Variants in SEC23A observed in about 807,000 individuals in gnomAD.
The protein encoded by SEC23A is SEC23 homolog A, COPII component, also known as protein transport protein Sec23A.
SEC23A carries 56 observed loss-of-function variants against 103.7 expected under a neutral mutation model. The ratio of observed to expected loss-of-function variants is 0.54; its 90% confidence interval spans 0.44 to 0.67. SEC23A has a LOEUF of 0.67. Among genes scored for constraint, SEC23A ranks in the 30% least tolerant of loss-of-function variants. The probability of loss-of-function intolerance (pLI) is 0.00; values close to 1 mark genes in which losing one functional copy is unlikely to be tolerated. For synonymous variants in SEC23A, 281 were observed against 293.0 expected, an observed-to-expected ratio of 0.96 and a Z score of 0.42; for missense variants, 784 against 936.4, an observed-to-expected ratio of 0.84 and a Z score of 2.12.
intron 5 of SEC23A, among the ~76,000 whole-genome samples, chr14:39,090,647 C>G (rs879845084): frequency 5.3e-5 from 8 of 152,188 alleles, no homozygotes; most frequent in Non-Finnish European, 8.8e-5. Flanking sequence ...TCAGCTGCCA[C>G]CAAGGTTCTC....
intron 1 of SEC23A, among the ~76,000 whole-genome samples, chr14:39,098,499 G>C (rs997623428): frequency 6.6e-6 from 1 of 152,128 alleles, no homozygotes; most frequent in Non-Finnish European, 1.5e-5. Context: ...TTTAAGGCCA[G>C]GCACAGTGGC....
intron 8 of SEC23A, among the ~76,000 whole-genome samples, chr14:39,075,006 C>T (rs1175802258): frequency 1.3e-5 from 2 of 152,166 alleles, no homozygotes; most frequent in Admixed American, 1.3e-4. Flanking sequence ...ACTAGGGAGG[C>T]TGAGGCAGGA....
rs975641579 is a variant in SEC23A, at chr14:39,083,767, G to A, written c.828+1995C>T. On this transcript the variant is annotated intron_variant, in intron 7 of 19. Transcript: ENST00000307712. ...TTTAGTAGAGACAGGGTTTCACCAC[G>A]TTGCTCAGGCTGGTCTCGAACTCCT... Among the ~76,000 whole-genome samples, 20 of 151,546 alleles carry A rather than the reference G, an allele frequency of 1.3e-4. 1 individual carries two copies. Among genetic ancestry groups the A allele is most frequent in the African/African-American group, 3.2e-4 (13 of 41,268 alleles).
chr14:39,037,281 T>C (rs147900001), intron 19 of SEC23A, among the ~76,000 whole-genome samples: 5 of 152,248 alleles, frequency 3.3e-5, no homozygotes, highest in African/African-American at 7.2e-5. Flanking sequence ...GCCTTCTAGA[T>C]AGTACCTCAA....
At chr14:39,055,078 T>C in intron 14 of SEC23A, 65 bp downstream of exon 14, 1 of 1,588,810 alleles carries the variant, frequency 6.3e-7, no homozygotes, top group Non-Finnish European at 8.6e-7. Flanking sequence ...AGAGATTATC[T>C]GCAACAAACA....
chr14:39,101,198 G>C (rs1888079582), intron 1 of SEC23A, among the ~76,000 whole-genome samples: 1 of 152,084 alleles, frequency 6.6e-6, no homozygotes, highest in African/African-American at 2.4e-5. Context: ...CTATTACAAA[G>C]AAATGTCCAA....
chr14:39,094,414 ATATATATATATATATATATATATATATAT>A (rs1365918294), intron 2 of SEC23A, among the ~76,000 whole-genome samples: 701 of 35,818 alleles, frequency 0.02, 105 homozygotes, highest in Middle Eastern at 0.052. Flanking sequence ...ATATATATAT[ATATATATATATATATATATATATATATAT>A]TTTTTTTTTT....
intron 19 of SEC23A, among the ~76,000 whole-genome samples, chr14:39,034,053 G>A (rs1343170174): frequency 6.6e-6 from 1 of 152,196 alleles, no homozygotes; most frequent in Non-Finnish European, 1.5e-5. Flanking sequence ...TATAGCTCCT[G>A]TGATTCTAGT....
At chr14:39,095,143 A>C in intron 2 of SEC23A, 2 of 597,362 alleles carry the variant, frequency 3.3e-6, no homozygotes, top group Non-Finnish European at 5.9e-6. Flanking sequence ...TAAGAGACAG[A>C]ATCTATAATG....
At chr14:39,034,676 C>T (rs1885404675) in intron 19 of SEC23A, among the ~76,000 whole-genome samples, 1 of 152,132 alleles carries the variant, frequency 6.6e-6, no homozygotes, top group Non-Finnish European at 1.5e-5. Context: ...ATTTATATAC[C>T]ACAGAGCTCC....
rs1022879005 is a variant in SEC23A, at chr14:39,047,310, C to T, written c.1737+1342G>A. 9.7e-6 allele frequency: 9 copies of T among 929,942 alleles called. No homozygotes were observed. The South Asian group carries it at 1.2e-4, about 13-fold the overall frequency. The allele number at this position is 929,942 out of a possible 1,614,324, so 57.6% of individuals were successfully genotyped here. Reference sequence around the variant, plus strand: ...GTCAAATACTTAGGCTAATGCCCTCCATCACTTTCCTATTAGTTTCTGCTA... The same window carrying T: ...GTCAAATACTTAGGCTAATGCCCTCTATCACTTTCCTATTAGTTTCTGCTA... On this transcript the variant is annotated intron_variant, in intron 15 of 19. Transcript: ENST00000307712.
intron 14 of SEC23A, 132 bp from the exon 15 acceptor site, chr14:39,048,861 T>C: frequency 1.6e-6 from 1 of 627,730 alleles, no homozygotes; most frequent in Non-Finnish European, 2.8e-6. Flanking sequence ...AAAATTATAA[T>C]ATTACTTATA....
chr14:39,050,711 G>A (rs1886025936), intron 14 of SEC23A, among the ~76,000 whole-genome samples: 1 of 152,156 alleles, frequency 6.6e-6, no homozygotes, highest in African/African-American at 2.4e-5. Flanking sequence ...CCTGCTCCTT[G>A]GGAGGCTGAG....
At chr14:39,050,589 T>C (rs1378388574) in intron 14 of SEC23A, among the ~76,000 whole-genome samples, 2 of 152,272 alleles carry the variant, frequency 1.3e-5, no homozygotes, top group South Asian at 2.1e-4. Flanking sequence ...CAATTAGTGG[T>C]TGATGGGTAA....
chr14:39,041,456 T>TG (rs1566480606), intron 17 of SEC23A: 1 of 142,854 alleles, frequency 7.0e-6, no homozygotes, highest in African/African-American at 2.5e-5. Context: ...ATTACAGGTT[T>TG]TTTTTTTTTT....
At chr14:39,035,450 A>AT (rs1199359632) in intron 19 of SEC23A, among the ~76,000 whole-genome samples, 1 of 152,174 alleles carries the variant, frequency 6.6e-6, no homozygotes, top group Non-Finnish European at 1.5e-5. Context: ...AATAGCTAAC[A>AT]TTTACTGAGT....
chr14:39,098,312 C>T (rs1887962186), intron 1 of SEC23A, among the ~76,000 whole-genome samples: 1 of 151,988 alleles, frequency 6.6e-6, no homozygotes, highest in South Asian at 2.1e-4. Flanking sequence ...CAGTTTTTAG[C>T]AACAGCTTCC....
intron 7 of SEC23A, among the ~76,000 whole-genome samples, chr14:39,083,948 T>C (rs1887330709): frequency 6.6e-6 from 1 of 152,220 alleles, no homozygotes; most frequent in African/African-American, 2.4e-5. Context: ...AAAAATTATT[T>C]ATACACTTCT....
At chr14:39,034,157 ATGAAG>A (rs1885389902) in intron 19 of SEC23A, among the ~76,000 whole-genome samples, 1 of 152,236 alleles carries the variant, frequency 6.6e-6, no homozygotes, top group Non-Finnish European at 1.5e-5. Context: ...AGATTTGATA[ATGAAG>A]GGAGGCAATC....
Sources: gnomAD v4.1 joint callset for allele counts (sites outside exome capture counted in the v4.1 genomes callset) on GRCh38, gnomAD v4.1.1 for gene constraint, MANE v1.5 for transcripts, NCBI Gene and HGNC (gene_info 2026-07-23, HGNC 2026-07-21) for gene names.